Variants in RAB38 observed in about 807,000 individuals in gnomAD.
The protein encoded by RAB38 is RAB38, member RAS oncogene family.
In RAB38, 15 loss-of-function variants were observed where a neutral mutation model predicts 18.4. The ratio of observed to expected loss-of-function variants is 0.82; its 90% confidence interval spans 0.55 to 1.26. The LOEUF (loss-of-function observed/expected upper bound fraction) is 1.26, where lower values mean the gene tolerates loss of function less well. RAB38 is among the 50% of genes most tolerant of loss of function. The pLI is 0.00. For synonymous variants in RAB38, 101 were observed against 104.4 expected (o/e 0.97, Z 0.20); for missense variants, 294 against 267.4 (o/e 1.10, Z -0.69).
intron 2 of RAB38, among the ~76,000 whole-genome samples, chr11:88,130,362 G>T (rs1042044484): frequency 2.0e-5 from 3 of 152,156 alleles, no homozygotes; most frequent in Admixed American, 2.0e-4. Context: ...ATCCACATGG[G>T]CTCAGGAAGC....
the RAB38 span, among the ~76,000 whole-genome samples, chr11:87,883,610 G>A: frequency 2.2e-4 from 34 of 151,922 alleles, no homozygotes; most frequent in Admixed American, 1.3e-4. Flanking sequence ...AGTGATTCAA[G>A]TTAAGGACCT....
intron 1 of RAB38, chr11:88,166,079 C>CACATGAACCAGCAG (rs890302274): frequency 1.3e-5 from 2 of 151,960 alleles, no homozygotes; most frequent in Non-Finnish European, 2.9e-5. Context: ...AAGGGAAGGA[C>CACATGAACCAGCAG]ACATGAACCA....
chr11:87,850,617 A>G, the RAB38 span, among the ~76,000 whole-genome samples: 2 of 151,920 alleles, frequency 1.3e-5, no homozygotes, highest in African/African-American at 4.8e-5. Context: ...TATTTTCGGC[A>G]CAATATCTAT....
chr11:87,843,172 G>A, the RAB38 span, among the ~76,000 whole-genome samples: 53 of 152,166 alleles, frequency 3.5e-4, no homozygotes, highest in Non-Finnish European at 2.2e-4. Flanking sequence ...GTTTGCATCC[G>A]CTTATGTCTA....
the RAB38 span, among the ~76,000 whole-genome samples, chr11:87,885,411 T>A: frequency 6.6e-6 from 1 of 150,784 alleles, no homozygotes; most frequent in South Asian, 2.1e-4. Flanking sequence ...GTTGCTACAC[T>A]TACCACCCTG....
intron 2 of RAB38, among the ~76,000 whole-genome samples, chr11:88,143,570 T>C (rs1942944052): frequency 6.6e-6 from 1 of 152,216 alleles, no homozygotes; most frequent in Admixed American, 6.5e-5. Flanking sequence ...CATTAAGAAG[T>C]AGAACCTACA....
the RAB38 span, among the ~76,000 whole-genome samples, chr11:87,976,215 A>C: frequency 6.8e-6 from 1 of 146,674 alleles, no homozygotes; most frequent in African/African-American, 2.5e-5. Flanking sequence ...GTATATTTTT[A>C]TGTATATACC....
the RAB38 span, among the ~76,000 whole-genome samples, chr11:88,012,842 C>T: frequency 1.3e-5 from 2 of 152,122 alleles, no homozygotes; most frequent in Non-Finnish European, 2.9e-5. Flanking sequence ...CTTTACTACA[C>T]TAGTGGAAAA....
At chr11:87,856,934 T>C in the RAB38 span, among the ~76,000 whole-genome samples, 32 of 152,118 alleles carry the variant, frequency 2.1e-4, no homozygotes, top group African/African-American at 7.7e-4. Flanking sequence ...TACATATGTA[T>C]ACATGTGCCA....
chr11:88,155,750 A>G (rs565043528), intron 1 of RAB38, among the ~76,000 whole-genome samples: 3 of 152,224 alleles, frequency 2.0e-5, no homozygotes, highest in Non-Finnish European at 2.9e-5. Flanking sequence ...AGGCAGCTCA[A>G]TGAGATCCAA....
chr11:87,837,452 T>A, the RAB38 span, among the ~76,000 whole-genome samples: 1 of 152,188 alleles, frequency 6.6e-6, no homozygotes. Flanking sequence ...CATCTAGAGC[T>A]CTCGAATGTT....
At chr11:87,929,295 C>T in the RAB38 span, among the ~76,000 whole-genome samples, 17 of 152,012 alleles carry the variant, frequency 1.1e-4, no homozygotes, top group East Asian at 3.1e-3. Context: ...TTGTAACCCC[C>T]TCTTTCCTTT....
the RAB38 span, among the ~76,000 whole-genome samples, chr11:87,868,560 A>T: frequency 6.9e-6 from 1 of 145,638 alleles, no homozygotes; most frequent in Non-Finnish European, 1.5e-5. Context: ...GATCAGGGCT[A>T]AAATGATAAG....
chr11:87,933,596 T>C, the RAB38 span, among the ~76,000 whole-genome samples: 3 of 152,004 alleles, frequency 2.0e-5, no homozygotes, highest in Non-Finnish European at 4.4e-5. Flanking sequence ...CTGGGCAGAA[T>C]TGAGAACTGA....
the RAB38 span, among the ~76,000 whole-genome samples, chr11:88,101,153 G>A: frequency 6.6e-6 from 1 of 151,922 alleles, no homozygotes; most frequent in Non-Finnish European, 1.5e-5. Context: ...GTTACAAGTA[G>A]GTGTAGGAGA....
the RAB38 span, among the ~76,000 whole-genome samples, chr11:87,893,709 C>T: frequency 6.6e-6 from 1 of 151,550 alleles, no homozygotes; most frequent in African/African-American, 2.4e-5. Flanking sequence ...CCTCTAGCCA[C>T]CAACTTCCTA....
chr11:88,149,423 T>C (rs1015737391), intron 2 of RAB38, among the ~76,000 whole-genome samples: 2 of 152,222 alleles, frequency 1.3e-5, no homozygotes, highest in African/African-American at 2.4e-5. Context: ...AAGGCAAACA[T>C]AGTTATCAAC....
At chr11:88,160,847 G>A (rs1591176836) in intron 1 of RAB38, among the ~76,000 whole-genome samples, 1 of 152,142 alleles carries the variant, frequency 6.6e-6, no homozygotes, top group East Asian at 1.9e-4. Flanking sequence ...AAGAAAAGAA[G>A]GGGCAAAGGT....
the RAB38 span, among the ~76,000 whole-genome samples, chr11:88,005,888 T>G: frequency 6.6e-6 from 1 of 151,666 alleles, no homozygotes; most frequent in Non-Finnish European, 1.5e-5. Flanking sequence ...CTTGACATCT[T>G]TGTTGTATAT....
Sources: gnomAD v4.1 joint callset for allele counts (sites outside exome capture counted in the v4.1 genomes callset) on GRCh38, gnomAD v4.1.1 for gene constraint, MANE v1.5 for transcripts, NCBI Gene and HGNC (gene_info 2026-07-23, HGNC 2026-07-21) for gene names.